Variants in SLC4A7 observed in about 807,000 individuals in gnomAD.
SLC4A7 encodes sodium bicarbonate cotransporter 3.
Under a neutral mutation model 137.6 loss-of-function variants are expected in SLC4A7, and 51 were observed. The observed-to-expected ratio is 0.37, with a 90% CI of 0.30 to 0.47. The LOEUF is 0.47. Among genes scored for constraint, SLC4A7 ranks in the 20% least tolerant of loss-of-function variants. The pLI, the probability that SLC4A7 is intolerant of heterozygous loss-of-function variation, is 1.00. For missense variants in SLC4A7, 1,247 were observed against 1,525.4 expected (o/e 0.82, Z 3.04); for synonymous variants, 542 against 518.6 (o/e 1.05, Z -0.61).
intron 1 of SLC4A7, among the ~76,000 whole-genome samples, chr3:27,461,790 T>C (rs35575232): frequency 6.8e-6 from 1 of 146,830 alleles, no homozygotes; most frequent in Non-Finnish European, 1.5e-5. Context: ...TGAAACCCCA[T>C]CTCCACCAAA....
At chr3:27,403,818 A>C (rs1167372765) in intron 14 of SLC4A7, among the ~76,000 whole-genome samples, 1 of 152,170 alleles carries the variant, frequency 6.6e-6, no homozygotes, top group Non-Finnish European at 1.5e-5. Context: ...CAACATCATT[A>C]CCATCACTAC....
chr3:27,418,869 C>T (rs1299130388), intron 10 of SLC4A7, among the ~76,000 whole-genome samples: 2 of 152,020 alleles, frequency 1.3e-5, no homozygotes, highest in Non-Finnish European at 2.9e-5. Flanking sequence ...TAAGACAGAA[C>T]AATTTTTTAA....
chr3:27,416,406 C>T (rs2054389355), intron 11 of SLC4A7, among the ~76,000 whole-genome samples: 1 of 151,980 alleles, frequency 6.6e-6, no homozygotes, highest in African/African-American at 2.4e-5. Context: ...CATGTACACT[C>T]TTAGTGTGTA....
rs2049818169 is a variant in SLC4A7, at chr3:27,375,179, T to C, written c.*1585A>G. 6.6e-6 allele frequency: 1 copy of C among 152,190 alleles called. No homozygotes were observed. Among genetic ancestry groups the C allele is most frequent in the Non-Finnish European group, 1.5e-5 (1 of 67,892 alleles). The allele number at this position is 152,190 out of a possible 1,614,324, so 9.4% of individuals were successfully genotyped here. On this transcript the variant is annotated 3_prime_UTR_variant, in exon 26 of 26. Coordinates refer to ENST00000454389, the MANE Select transcript of SLC4A7 (RefSeq NM_001321103.2). ...ACACCAGACTTGCTAAAATTTCAGC[T>C]TTTGGCATTCCTCATGATCCTTTAT... is the stretch of plus-strand genomic sequence containing the variant.
chr3:27,437,646 ACT>A (rs1038379853), intron 3 of SLC4A7, 120 bp from the exon 4 acceptor site: 13 of 471,804 alleles, frequency 2.8e-5, no homozygotes, highest in African/African-American at 1.6e-4. Context: ...TTTCATCAAA[ACT>A]CTCTTAATTA....
chr3:27,434,257 T>C (rs2056556246), intron 5 of SLC4A7, among the ~76,000 whole-genome samples, 153 bp from the exon 6 acceptor site: 1 of 152,154 alleles, frequency 6.6e-6, no homozygotes, highest in African/African-American at 2.4e-5. Flanking sequence ...AAATGAACAT[T>C]ATCCAACCAA....
intron 1 of SLC4A7, among the ~76,000 whole-genome samples, chr3:27,452,733 TTC>T (rs1390984710): frequency 6.6e-6 from 1 of 152,210 alleles, no homozygotes; most frequent in African/African-American, 2.4e-5. Flanking sequence ...TTAAATGGTT[TTC>T]CATGCAAATT....
chr3:27,435,196 A>G (rs1050488968), intron 5 of SLC4A7, among the ~76,000 whole-genome samples: 3 of 152,204 alleles, frequency 2.0e-5, no homozygotes, highest in Non-Finnish European at 2.9e-5. Context: ...CCATGGGAGC[A>G]ATCTACAATG....
At chr3:27,377,790 A>C (rs2050041839) in intron 25 of SLC4A7, among the ~76,000 whole-genome samples, 2 of 152,176 alleles carry the variant, frequency 1.3e-5, no homozygotes, top group Non-Finnish European at 1.5e-5. Flanking sequence ...GTTCTGGAAA[A>C]AGTTTTCAGA....
At chr3:27,379,812 T>C (rs2050237940) in intron 24 of SLC4A7, among the ~76,000 whole-genome samples, 1 of 152,240 alleles carries the variant, frequency 6.6e-6, no homozygotes, top group South Asian at 2.1e-4. Context: ...AACTTAAGAT[T>C]ATGATTTTTA....
intron 24 of SLC4A7, among the ~76,000 whole-genome samples, chr3:27,382,797 T>A (rs750450276): frequency 6.6e-6 from 1 of 152,118 alleles, no homozygotes; most frequent in Non-Finnish European, 1.5e-5. Flanking sequence ...CCAGCCCTAA[T>A]GAAGGGCACA....
chr3:27,394,453 T>C, intron 20 of SLC4A7, 65 bp downstream of exon 20: 2 of 1,377,036 alleles, frequency 1.5e-6, no homozygotes, highest in South Asian at 2.6e-5. Flanking sequence ...TAATGTTTCA[T>C]GTTCACATAA....
At chr3:27,471,973 A>C (rs2059266319) in intron 1 of SLC4A7, among the ~76,000 whole-genome samples, 1 of 152,188 alleles carries the variant, frequency 6.6e-6, no homozygotes, top group African/African-American at 2.4e-5. Flanking sequence ...CTTCTCAATG[A>C]ACAGTATTTA....
intron 25 of SLC4A7, among the ~76,000 whole-genome samples, chr3:27,378,840 A>T (rs1223022403): frequency 6.6e-6 from 1 of 152,184 alleles, no homozygotes; most frequent in Non-Finnish European, 1.5e-5. Context: ...ATGGTTTCTG[A>T]TCTTTTTTAT....
At chr3:27,464,177 A>G (rs569481167) in intron 1 of SLC4A7, among the ~76,000 whole-genome samples, 11 of 152,358 alleles carry the variant, frequency 7.2e-5, no homozygotes, top group African/African-American at 2.4e-4. Flanking sequence ...CAAAAAAAAG[A>G]AAACACACTG....
intron 13 of SLC4A7, among the ~76,000 whole-genome samples, chr3:27,407,498 A>G (rs1171402738): frequency 6.6e-6 from 1 of 150,424 alleles, no homozygotes; most frequent in Non-Finnish European, 1.5e-5. Context: ...AAAAAAAATC[A>G]GCCTATTACC....
chr3:27,417,851 T>C (rs1409666690), intron 11 of SLC4A7, among the ~76,000 whole-genome samples: 1 of 152,170 alleles, frequency 6.6e-6, no homozygotes, highest in East Asian at 1.9e-4. Flanking sequence ...CAACACACAC[T>C]GTCGGTGAGG....
chr3:27,410,571 A>G (rs1399726511), intron 12 of SLC4A7, among the ~76,000 whole-genome samples: 1 of 152,210 alleles, frequency 6.6e-6, no homozygotes, highest in Non-Finnish European at 1.5e-5. Context: ...GCTTGCAATA[A>G]AAAAGGTGCC....
intron 3 of SLC4A7, among the ~76,000 whole-genome samples, chr3:27,446,885 GTTTTTTTTGTT>G (rs1279931729): frequency 0.099 from 3,529 of 35,774 alleles, 192 homozygotes; most frequent in African/African-American, 0.23. Flanking sequence ...GTTTTTTTTT[GTTTTTTTTGTT>G]TTTTTTAAAC....
Sources: allele counts gnomAD v4.1 joint callset (sites outside exome capture counted in the v4.1 genomes callset), GRCh38; gene constraint gnomAD v4.1.1; transcripts MANE v1.5; gene names NCBI Gene and HGNC (gene_info 2026-07-23, HGNC 2026-07-21).